The following EFCAB13 variants were observed in gnomAD, a reference collection of about 807,000 sequenced individuals.
EFCAB13 encodes EF-hand calcium-binding domain-containing protein 13.
In EFCAB13, 91 loss-of-function variants were observed where a neutral mutation model predicts 110.2. The ratio of observed to expected loss-of-function variants is 0.83; its 90% confidence interval spans 0.70 to 0.98. EFCAB13 has a LOEUF of 0.98. Ranked by LOEUF, EFCAB13 falls within the 50% of genes least tolerant of loss-of-function variation. EFCAB13 has a pLI of 0.00. For missense variants in EFCAB13, 968 were observed against 1,119.4 expected (o/e 0.86, Z 1.93); for synonymous variants, 323 against 369.9 (o/e 0.87, Z 1.45).
intron 17 of EFCAB13, among the ~76,000 whole-genome samples, chr17:47,397,214 G>C (rs550306261): frequency 1.1e-3 from 175 of 152,308 alleles, no homozygotes; most frequent in African/African-American, 4.1e-3. Flanking sequence ...GGGTTTCGCT[G>C]TGTTGGCCGG....
chr17:47,347,602 A>G (rs897251939), intron 8 of EFCAB13, among the ~76,000 whole-genome samples: 10 of 152,196 alleles, frequency 6.6e-5, no homozygotes, highest in African/African-American at 2.4e-4. Flanking sequence ...CTTGTCTGAC[A>G]GTTTCTGAAA....
intron 17 of EFCAB13, 76 bp downstream of exon 17, chr17:47,396,053 T>C: frequency 7.5e-7 from 1 of 1,330,414 alleles, no homozygotes; most frequent in Non-Finnish European, 1.0e-6. Flanking sequence ...TGTCATTGTA[T>C]CTTGTACTTG....
Position 47,440,884 on chromosome 17 carries a change from C to T in EFCAB13, c.*170C>T, listed in dbSNP as rs1159817629. 7 of 513,284 alleles carry T rather than the reference C, an allele frequency of 1.4e-5. No individual in the cohort carries two copies. The highest frequency in any genetic ancestry group is 3.9e-5 in the Admixed American group (1 of 25,468). The allele number at this position is 513,284 out of a possible 1,614,324, so 31.8% of individuals were successfully genotyped here. On this transcript the variant is annotated 3_prime_UTR_variant, in exon 25 of 25. Coordinates refer to ENST00000331493, the MANE Select transcript of EFCAB13 (RefSeq NM_152347.5). ...GTATCTTCAGCGACTCTCTTGATCA[C>T]ACTTTTTAAACATTCATGCTTTTTG...
Position 47,356,605 on chromosome 17 carries a change from C to T in EFCAB13, c.662-4773C>T, listed in dbSNP as rs117482158. ...CAGGTCTCTCAGCCGTGAATACCAG[C>T]ACCTGCACCAATGGAGGTAGCAGGG... On this transcript the variant is annotated intron_variant, in intron 9 of 24. Transcript: ENST00000331493. 7.6e-4 allele frequency among the ~76,000 whole-genome samples: 116 copies of T among 152,336 alleles called. 1 individual carries two copies. The East Asian group carries it at 0.017, about 23-fold the overall frequency.
chr17:47,438,411 T>G (rs1009842159), intron 24 of EFCAB13, among the ~76,000 whole-genome samples: 1 of 152,166 alleles, frequency 6.6e-6, no homozygotes, highest in Non-Finnish European at 1.5e-5. Flanking sequence ...AGAATTCTCT[T>G]CTTCCTCAGG....
chr17:47,394,076 C>T lies in EFCAB13; in HGVS notation c.1778C>T (p.Thr593Met), dbSNP rs763879131. 2.0e-5 allele frequency: 31 copies of T among 1,536,252 alleles called. No homozygotes were observed. The highest frequency in any genetic ancestry group is 1.3e-4 in the Admixed American group (6 of 47,748). Residue 593 changes from threonine to methionine, a missense_variant, in exon 16 of 25, where the codon ACG becomes ATG. Transcript: ENST00000331493. ...KEFIDTMMSN[T>M]ECFSEKLVLP... ...TTCATTGATACTATGATGAGCAACA[C>T]GGAATGCTTCTCTGAAAAATTAGGT... is the stretch of plus-strand genomic sequence containing the variant.
At position 47,429,813 on chromosome 17, in the gene EFCAB13, T is replaced by C; in HGVS notation, c.2495-5T>C. On this transcript the variant is annotated splice_region_variant and splice_polypyrimidine_tract_variant and intron_variant, in intron 23 of 24. Transcript: ENST00000331493. The stretch of plus-strand genomic sequence containing the variant: ...GAAACATTTGCTTTTGCTCTCCTTT[T>C]GCAGCTACACAGATACTCTTAGCTA... 1.9e-6 allele frequency: 3 copies of C among 1,580,578 alleles called. No homozygotes were observed. Among genetic ancestry groups the C allele is most frequent in the Non-Finnish European group, 2.6e-6 (3 of 1,158,132 alleles).
In EFCAB13 at chr17:47,377,570, C is replaced by T. The variant is rs1354634367; in HGVS notation, c.1373-196C>T. 4 of 376,356 alleles carry T rather than the reference C, an allele frequency of 1.1e-5. No individual in the cohort carries two copies. The East Asian group carries it at 1.4e-4, about 13-fold the overall frequency. 23.3% of individuals were successfully genotyped at this position (376,356 alleles called of 1,614,324 possible). ...ATGTTTATAGAATGTTAGGACGGTT[C>T]TGTGTTTGAGCTGTAAGAGAAAGAT... On this transcript the variant is annotated intron_variant, in intron 12 of 24. Coordinates refer to ENST00000331493, the MANE Select transcript of EFCAB13 (RefSeq NM_152347.5).
chr17:47,440,318 C>A, intron 24 of EFCAB13, 113 bp from the exon 25 acceptor site: 1 of 1,069,906 alleles, frequency 9.3e-7, no homozygotes, highest in Non-Finnish European at 1.3e-6. Flanking sequence ...AATAGCCCAG[C>A]CTTACTCTCA....
chr17:47,372,580 C>A (rs996770070), intron 11 of EFCAB13, among the ~76,000 whole-genome samples: 5 of 152,262 alleles, frequency 3.3e-5, no homozygotes, highest in Admixed American at 6.5e-5. Flanking sequence ...TAAACAGCAT[C>A]CTTTTCTTTT....
chr17:47,331,091 G>C (rs1359467271), intron 4 of EFCAB13, among the ~76,000 whole-genome samples: 1 of 151,992 alleles, frequency 6.6e-6, no homozygotes, highest in Non-Finnish European at 1.5e-5. Flanking sequence ...ATCTGTTCAT[G>C]TTATTTTCCC....
intron 17 of EFCAB13, among the ~76,000 whole-genome samples, chr17:47,396,454 A>C (rs1213246903): frequency 6.6e-6 from 1 of 152,174 alleles, no homozygotes; most frequent in African/African-American, 2.4e-5. Flanking sequence ...AAGTTCAAAA[A>C]AGTATTGTAT....
chr17:47,410,777 A>G (rs2065830117), intron 21 of EFCAB13, among the ~76,000 whole-genome samples: 2 of 152,222 alleles, frequency 1.3e-5, no homozygotes, highest in Admixed American at 1.3e-4. Context: ...AAAAAGGGAA[A>G]ACAACATTAA....
chr17:47,390,914 G>GTCTATCTATCTATCTATCTA (rs1555583667), intron 14 of EFCAB13, among the ~76,000 whole-genome samples: 6 of 150,264 alleles, frequency 4.0e-5, no homozygotes, highest in South Asian at 2.1e-4. Flanking sequence ...GTGTCTGTCT[G>GTCTATCTATCTATCTATCTA]TCTATCTATC....
intron 10 of EFCAB13, among the ~76,000 whole-genome samples, chr17:47,369,323 T>C (rs1402721828): frequency 6.6e-6 from 1 of 152,214 alleles, no homozygotes; most frequent in Non-Finnish European, 1.5e-5. Flanking sequence ...GAAGGTCTTA[T>C]TTATATTTTT....
intron 6 of EFCAB13, among the ~76,000 whole-genome samples, chr17:47,343,828 CCTAGAGT>C (rs1168037415): frequency 6.6e-6 from 1 of 151,958 alleles, no homozygotes; most frequent in East Asian, 1.9e-4. Context: ...TTATATGTAG[CCTAGAGT>C]CTGGTGGCTG....
In EFCAB13 at chr17:47,370,509, G is replaced by C. The variant is rs543468103; in HGVS notation, c.877+1G>C. ...CTACAGGAACAGTATGAGGATGTTT[G>C]TAAGTGAGCTCTTGTTGCTATGACA... is the stretch of plus-strand genomic sequence containing the variant. On this transcript the variant is annotated splice_donor_variant, in intron 11 of 24. Coordinates refer to ENST00000331493, the MANE Select transcript of EFCAB13 (RefSeq NM_152347.5). LOFTEE classifies it high-confidence loss of function. The C allele has an allele frequency of 2.4e-5, 38 of 1,592,760 alleles. No homozygotes were observed. The South Asian group carries it at 4.0e-4, about 17-fold the overall frequency.
At chr17:47,344,720 T>G (rs2065405645) in intron 7 of EFCAB13, among the ~76,000 whole-genome samples, 1 of 152,168 alleles carries the variant, frequency 6.6e-6, no homozygotes, top group Non-Finnish European at 1.5e-5. Context: ...TATAATAACT[T>G]TCTTAAAAAT....
chr17:47,387,857 T>C (rs2065685153), intron 14 of EFCAB13, among the ~76,000 whole-genome samples: 1 of 152,256 alleles, frequency 6.6e-6, no homozygotes, highest in South Asian at 2.1e-4. Flanking sequence ...ACCTTAACCC[T>C]AGATCACTGC....
Sources: gnomAD v4.1 joint callset for allele counts (sites outside exome capture counted in the v4.1 genomes callset) on GRCh38, gnomAD v4.1.1 for gene constraint, MANE v1.5 for transcripts, NCBI Gene and HGNC (gene_info 2026-07-23, HGNC 2026-07-21) for gene names.